PHACTR1: variants seen among roughly 807,000 people sequenced by gnomAD.
The protein encoded by PHACTR1 is RPEL repeat containing 1.
A neutral mutation model predicts 69.2 loss-of-function variants in PHACTR1; 16 were observed. That is an observed-to-expected ratio of 0.23 (90% CI 0.16 to 0.35). PHACTR1 has a LOEUF of 0.35. PHACTR1 is among the 10% of genes least tolerant of loss of function. PHACTR1 has a pLI of 1.00. For synonymous variants in PHACTR1, 312 were observed against 284.5 expected (o/e 1.10, Z -0.97); for missense variants, 510 against 734.7 (o/e 0.69, Z 3.54).
intron 8 of PHACTR1, among the ~76,000 whole-genome samples, chr6:13,209,837 C>T (rs1335117487): frequency 6.6e-6 from 1 of 152,142 alleles, no homozygotes; most frequent in African/African-American, 2.4e-5. Context: ...TGTATCTGCC[C>T]CTTCCCGATC....
At chr6:13,093,839 G>A (rs890221963) in intron 5 of PHACTR1, among the ~76,000 whole-genome samples, 4 of 152,136 alleles carry the variant, frequency 2.6e-5, no homozygotes, top group African/African-American at 4.8e-5. Flanking sequence ...ATCTGATTTC[G>A]AAGAGCCAGT....
chr6:13,128,041 TA>T (rs1197114441), intron 5 of PHACTR1, among the ~76,000 whole-genome samples: 9 of 150,196 alleles, frequency 6.0e-5, no homozygotes, highest in Non-Finnish European at 1.3e-4. Flanking sequence ...AAAAGCCCCT[TA>T]AAAAACCATC....
intron 5 of PHACTR1, among the ~76,000 whole-genome samples, chr6:13,124,468 C>T (rs1309436805): frequency 6.6e-6 from 1 of 152,210 alleles, no homozygotes; most frequent in Non-Finnish European, 1.5e-5. Context: ...ATGACTCAGT[C>T]ATTTGGTCAT....
rs140114763 is a variant in PHACTR1 at position 12,884,894 on chromosome 6, A to G, written c.250+135104A>G. Among the ~76,000 whole-genome samples the G allele has an allele frequency of 7.9e-5, 12 of 152,348 alleles. No homozygotes were observed. In the East Asian group the frequency reaches 2.3e-3, roughly 29 times the overall value. On this transcript the variant is annotated intron_variant, in intron 4 of 14. Coordinates refer to ENST00000332995, the MANE Select transcript of PHACTR1 (RefSeq NM_030948.6). ...CAATTTTGAAAAAGACTAATCATAAATAAACACTTACAAGATGGCTTACTT... is the reference window on the plus strand; with the variant it reads ...CAATTTTGAAAAAGACTAATCATAAGTAAACACTTACAAGATGGCTTACTT...
At chr6:13,266,845 T>G (rs1776800096) in intron 10 of PHACTR1, 1 of 152,256 alleles carries the variant, frequency 6.6e-6, no homozygotes, top group African/African-American at 2.4e-5. Flanking sequence ...CCTCCAACAC[T>G]GGGGACTACA....
intron 4 of PHACTR1, among the ~76,000 whole-genome samples, chr6:12,965,121 T>C (rs1793278781): frequency 2.0e-5 from 3 of 152,268 alleles, no homozygotes; most frequent in Non-Finnish European, 2.9e-5. Context: ...ATAGTTGTTA[T>C]ACTGTATTGT....
intron 5 of PHACTR1, among the ~76,000 whole-genome samples, chr6:13,064,662 G>T (rs1808344926): frequency 7.7e-6 from 1 of 130,266 alleles, no homozygotes; most frequent in African/African-American, 2.9e-5. Context: ...ACCAGACCGG[G>T]AAGCAACAGC....
chr6:12,834,950 G>T (rs995052489), intron 4 of PHACTR1, among the ~76,000 whole-genome samples: 1 of 152,144 alleles, frequency 6.6e-6, no homozygotes, highest in East Asian at 1.9e-4. Context: ...TCGTAAAAAT[G>T]TATGCTTGAA....
intron 10 of PHACTR1, among the ~76,000 whole-genome samples, chr6:13,262,738 GT>G (rs1776080745): frequency 6.6e-6 from 1 of 152,176 alleles, no homozygotes; most frequent in Non-Finnish European, 1.5e-5. Flanking sequence ...CTGGATACCT[GT>G]TAGAAAACCC....
intron 10 of PHACTR1, among the ~76,000 whole-genome samples, chr6:13,242,235 G>A (rs1772962504): frequency 6.6e-6 from 1 of 152,136 alleles, no homozygotes; most frequent in Admixed American, 6.5e-5. Flanking sequence ...GGGAAGAGCA[G>A]GCAGAGGAGG....
In PHACTR1 at chr6:13,227,948, T is replaced by C; in HGVS notation, c.1119T>C (p.Asp373=). ...TGCCAACTGTTGTGATTGAATGTGA[T>C]GACAATAAAGAAAATGTGCCTCATG... is the stretch of plus-strand genomic sequence containing the variant. ...RQVPTVVIEC[D]DNKENVPHES... Residue 373 remains aspartate, a synonymous_variant, in exon 9 of 15, where the codon GAT becomes GAC. Transcript: ENST00000332995. 2.5e-6 allele frequency: 4 copies of C among 1,613,990 alleles called. No homozygotes were observed. The highest frequency in any genetic ancestry group is 3.4e-6 in the Non-Finnish European group (4 of 1,179,888).
At chr6:13,023,984 GGA>G (rs1487620406) in intron 4 of PHACTR1, among the ~76,000 whole-genome samples, 2 of 152,052 alleles carry the variant, frequency 1.3e-5, no homozygotes, top group Non-Finnish European at 2.9e-5. Flanking sequence ...GGCTGAGGCT[GGA>G]GAATCACTTG....
intron 5 of PHACTR1, among the ~76,000 whole-genome samples, chr6:13,080,657 A>G (rs1160569355): frequency 6.6e-6 from 1 of 152,204 alleles, no homozygotes; most frequent in Admixed American, 6.6e-5. Context: ...GAATGAACTC[A>G]TTTGATCAGC....
At chr6:13,023,929 T>C (rs1042928553) in intron 4 of PHACTR1, among the ~76,000 whole-genome samples, 3 of 152,052 alleles carry the variant, frequency 2.0e-5, no homozygotes, top group Non-Finnish European at 4.4e-5. Flanking sequence ...ATACAAAAAT[T>C]AGCCGGGCAT....
chr6:13,057,643 T>C (rs1393663062), intron 5 of PHACTR1, among the ~76,000 whole-genome samples: 1 of 152,230 alleles, frequency 6.6e-6, no homozygotes, highest in Non-Finnish European at 1.5e-5. Context: ...TAAATTACAA[T>C]ATTTGATAGT....
rs551189398 is a variant in PHACTR1 at position 12,759,849 on chromosome 6, G to A, written c.250+10059G>A. Among the ~76,000 whole-genome samples the A allele has an allele frequency of 1.1e-3, 164 of 152,214 alleles. 1 individual carries two copies. The highest frequency in any genetic ancestry group is 4.7e-4 in the Non-Finnish European group (32 of 67,990). On this transcript the variant is annotated intron_variant, in intron 4 of 14. Transcript: ENST00000332995. ...CATTCTTTTCTGAGGTAGCACAGTG[G>A]TTATGAGGATATACCCTAGAGCCAG...
chr6:12,945,025 G>A (rs939628010), intron 4 of PHACTR1, among the ~76,000 whole-genome samples: 10 of 151,942 alleles, frequency 6.6e-5, no homozygotes, highest in African/African-American at 2.4e-4. Flanking sequence ...CTCATGATCC[G>A]CCCGTCTCGG....
intron 5 of PHACTR1, among the ~76,000 whole-genome samples, chr6:13,155,328 C>T (rs187579192): frequency 5.3e-5 from 8 of 152,284 alleles, no homozygotes; most frequent in Admixed American, 1.3e-4. Context: ...GAATAATGGC[C>T]TGGGGATCCA....
intron 4 of PHACTR1, among the ~76,000 whole-genome samples, chr6:12,958,250 A>G (rs1048809257): frequency 6.6e-6 from 1 of 152,192 alleles, no homozygotes; most frequent in African/African-American, 2.4e-5. Flanking sequence ...GAAGAGATGG[A>G]TACAAAACTG....
Sources: gnomAD v4.1 joint callset for allele counts (sites outside exome capture counted in the v4.1 genomes callset) on GRCh38, gnomAD v4.1.1 for gene constraint, MANE v1.5 for transcripts, NCBI Gene and HGNC (gene_info 2026-07-23, HGNC 2026-07-21) for gene names.